Variants in FSTL5 observed in about 807,000 individuals in gnomAD.
FSTL5 encodes follistatin-related protein 5.
In FSTL5, 62 loss-of-function variants were observed where a neutral mutation model predicts 89.1. The ratio of observed to expected loss-of-function variants is 0.70; its 90% CI spans 0.57 to 0.86. The LOEUF is 0.86. Ranked by LOEUF, FSTL5 falls within the 40% of genes least tolerant of loss-of-function variation. The probability of loss-of-function intolerance (pLI) is 0.00; values close to 1 mark genes in which losing one functional copy is unlikely to be tolerated. For missense variants in FSTL5, 1,057 were observed against 1,001.6 expected (o/e 1.06, Z -0.75); for synonymous variants, 383 against 346.2 (o/e 1.11, Z -1.18).
intron 6 of FSTL5, among the ~76,000 whole-genome samples, chr4:161,688,870 A>G (rs1432226390): frequency 6.6e-6 from 1 of 152,072 alleles, no homozygotes; most frequent in Non-Finnish European, 1.5e-5. Context: ...TTGGAATTTT[A>G]GGTTTTCTAA....
At chr4:161,562,473 T>G (rs1156590568) in intron 8 of FSTL5, among the ~76,000 whole-genome samples, 1 of 152,110 alleles carries the variant, frequency 6.6e-6, no homozygotes, top group East Asian at 1.9e-4. Flanking sequence ...GTTTTTCCAT[T>G]GATTTAGGTC....
chr4:162,036,793 T>C (rs1737757024), intron 2 of FSTL5, among the ~76,000 whole-genome samples: 1 of 151,974 alleles, frequency 6.6e-6, no homozygotes, highest in Non-Finnish European at 1.5e-5. Context: ...AAAATGCCCA[T>C]TCAATATATT....
chr4:161,905,436 A>T (rs1733494901), intron 4 of FSTL5, among the ~76,000 whole-genome samples: 1 of 152,196 alleles, frequency 6.6e-6, no homozygotes, highest in South Asian at 2.1e-4. Flanking sequence ...CCATTAAAAA[A>T]TATCACTATA....
intron 7 of FSTL5, among the ~76,000 whole-genome samples, chr4:161,598,715 C>T (rs559716068): frequency 6.6e-6 from 1 of 151,816 alleles, no homozygotes; most frequent in African/African-American, 2.4e-5. Context: ...CATAGCATGG[C>T]AAATTAGTAG....
chr4:161,684,150 A>G (rs1203276221), intron 6 of FSTL5, among the ~76,000 whole-genome samples: 1 of 151,220 alleles, frequency 6.6e-6, no homozygotes. Flanking sequence ...TCCATGGTAT[A>G]CTACAATTTC....
At chr4:161,778,278 C>CA (rs375447769) in intron 4 of FSTL5, among the ~76,000 whole-genome samples, 4 of 151,992 alleles carry the variant, frequency 2.6e-5, no homozygotes, top group Non-Finnish European at 4.4e-5. Flanking sequence ...AAATATATTA[C>CA]AAAAAATGCA....
At chr4:161,590,972 A>G (rs1733799325) in intron 7 of FSTL5, among the ~76,000 whole-genome samples, 1 of 152,202 alleles carries the variant, frequency 6.6e-6, no homozygotes, top group Non-Finnish European at 1.5e-5. Flanking sequence ...AATGTATGCA[A>G]ATGTGCATAG....
At chr4:161,748,274 G>A (rs991445009) in intron 6 of FSTL5, among the ~76,000 whole-genome samples, 1 of 152,010 alleles carries the variant, frequency 6.6e-6, no homozygotes, top group Non-Finnish European at 1.5e-5. Flanking sequence ...GCCACAAAAA[G>A]TATCATGCAC....
chr4:162,082,703 G>A lies in FSTL5; in HGVS notation c.126+28568C>T, dbSNP rs185418046. 7.3e-4 allele frequency among the ~76,000 whole-genome samples: 111 copies of A among 151,436 alleles called. 1 individual carries two copies. The highest frequency in any genetic ancestry group is 2.6e-3 in the African/African-American group (109 of 41,394). ...CCTCTAAATATCAACACATCAACTT[G>A]TGGAAACTCTCAGGTCACAGTATAT... is the stretch of plus-strand genomic sequence containing the variant. On this transcript the variant is annotated intron_variant, in intron 2 of 15. Transcript: ENST00000306100.
intron 3 of FSTL5, among the ~76,000 whole-genome samples, chr4:162,003,556 G>A (rs1400143034): frequency 6.6e-6 from 1 of 152,156 alleles, no homozygotes; most frequent in Non-Finnish European, 1.5e-5. Context: ...AAGGCAGCCA[G>A]GCAGAGAGGA....
chr4:161,876,689 A>G (rs957242812), intron 4 of FSTL5, among the ~76,000 whole-genome samples: 2 of 152,132 alleles, frequency 1.3e-5, no homozygotes, highest in African/African-American at 4.8e-5. Flanking sequence ...GCAGTAAGCT[A>G]TGATCACACC....
At chr4:161,960,094 G>T (rs1735133802) in intron 3 of FSTL5, among the ~76,000 whole-genome samples, 1 of 151,130 alleles carries the variant, frequency 6.6e-6, no homozygotes, top group East Asian at 1.9e-4. Context: ...TAGCTTGTTT[G>T]CTTTTTCAAT....
chr4:162,012,005 G>A (rs909660408), intron 3 of FSTL5, among the ~76,000 whole-genome samples: 3 of 152,152 alleles, frequency 2.0e-5, no homozygotes, highest in African/African-American at 7.2e-5. Context: ...GGCAGGTGAT[G>A]TATTTCATAA....
At chr4:161,651,524 G>A (rs573473658) in intron 7 of FSTL5, among the ~76,000 whole-genome samples, 1 of 152,090 alleles carries the variant, frequency 6.6e-6, no homozygotes, top group South Asian at 2.1e-4. Flanking sequence ...AGAAGGAAGA[G>A]AAGAAAGGGG....
At chr4:161,642,788 G>C (rs992682894) in intron 7 of FSTL5, among the ~76,000 whole-genome samples, 2 of 111,504 alleles carry the variant, frequency 1.8e-5, no homozygotes, top group East Asian at 3.1e-4. Flanking sequence ...GTTCCCAGGA[G>C]TGGAGAGGAA....
At chr4:161,737,208 A>T (rs1579058066) in intron 6 of FSTL5, among the ~76,000 whole-genome samples, 1 of 151,998 alleles carries the variant, frequency 6.6e-6, no homozygotes, top group East Asian at 1.9e-4. Flanking sequence ...AGTAAATCTA[A>T]CCCTTTATCA....
intron 6 of FSTL5, among the ~76,000 whole-genome samples, chr4:161,672,031 A>G (rs4635774): frequency 0.24 from 36,975 of 152,084 alleles, 5,492 homozygotes; most frequent in Non-Finnish European, 0.31. Context: ...TTTACATTTT[A>G]ATAGGGAACA....
intron 13 of FSTL5, among the ~76,000 whole-genome samples, chr4:161,474,279 C>T (rs762231901): frequency 6.6e-6 from 1 of 151,922 alleles, no homozygotes; most frequent in South Asian, 2.1e-4. Flanking sequence ...TTGTACACCA[C>T]GTGCCAAAAA....
intron 6 of FSTL5, among the ~76,000 whole-genome samples, chr4:161,694,254 G>A (rs1003990089): frequency 1.3e-5 from 2 of 151,936 alleles, no homozygotes; most frequent in Non-Finnish European, 2.9e-5. Flanking sequence ...AATGTTTTCT[G>A]CCCCTTTATC....
Sources: allele counts gnomAD v4.1 joint callset (sites outside exome capture counted in the v4.1 genomes callset), GRCh38; gene constraint gnomAD v4.1.1; transcripts MANE v1.5; gene names NCBI Gene and HGNC (gene_info 2026-07-23, HGNC 2026-07-21).